The following IFT122 variants were observed in gnomAD, a reference collection of about 807,000 sequenced individuals.
IFT122 encodes the protein intraflagellar transport protein 122 homolog.
In IFT122, 118 loss-of-function variants were observed where a neutral mutation model predicts 161.6. The ratio of observed to expected loss-of-function variants is 0.73; its 90% confidence interval spans 0.63 to 0.85. The LOEUF (loss-of-function observed/expected upper bound fraction) is 0.85. Ranked by LOEUF, IFT122 falls within the 40% of genes least tolerant of loss-of-function variation. The probability of loss-of-function intolerance (pLI) is 0.00; values close to 1 mark genes in which losing one functional copy is unlikely to be tolerated. For missense variants in IFT122, 1,381 were observed against 1,579.6 expected (o/e 0.87, Z 2.13); for synonymous variants, 550 against 602.4 (o/e 0.91, Z 1.27).
At chr3:129,493,996 G>A (rs1053895518) in intron 17 of IFT122, among the ~76,000 whole-genome samples, 2 of 152,204 alleles carry the variant, frequency 1.3e-5, no homozygotes, top group Non-Finnish European at 2.9e-5. Context: ...ACACATCTGG[G>A]TGCTCAGCAT....
chr3:129,460,759 C>G, intron 4 of IFT122: 1 of 952,426 alleles, frequency 1.0e-6, no homozygotes. Context: ...TAAAGTATTA[C>G]CCACAAGTGA....
At chr3:129,517,147 C>T (rs1344850581) in intron 26 of IFT122, among the ~76,000 whole-genome samples, 1 of 144,168 alleles carries the variant, frequency 6.9e-6, no homozygotes, top group Admixed American at 7.0e-5. Flanking sequence ...GAGACTGCCC[C>T]TGCACACACA....
At chr3:129,445,348 A>G (rs1447761633) in intron 1 of IFT122, among the ~76,000 whole-genome samples, 1 of 151,908 alleles carries the variant, frequency 6.6e-6, no homozygotes, top group African/African-American at 2.4e-5. Context: ...AACAAAAACA[A>G]AAAAACAGAT....
intron 3 of IFT122, among the ~76,000 whole-genome samples, chr3:129,457,697 A>T (rs1205015585): frequency 6.6e-6 from 1 of 151,852 alleles, no homozygotes; most frequent in African/African-American, 2.4e-5. Context: ...ACCATAGTTA[A>T]TAATAGCGTA....
chr3:129,474,224 T>G (rs2077666876), intron 9 of IFT122, among the ~76,000 whole-genome samples: 1 of 152,222 alleles, frequency 6.6e-6, no homozygotes, highest in Non-Finnish European at 1.5e-5. Context: ...ATTGGATGCC[T>G]TAAACAGTCA....
chr3:129,496,592 C>G (rs1490521783), intron 18 of IFT122, among the ~76,000 whole-genome samples: 5 of 152,172 alleles, frequency 3.3e-5, no homozygotes, highest in South Asian at 4.1e-4. Context: ...TGTGCTCTTC[C>G]ACCACCTGTT....
At chr3:129,444,911 G>A (rs2073798484) in intron 1 of IFT122, among the ~76,000 whole-genome samples, 1 of 152,202 alleles carries the variant, frequency 6.6e-6, no homozygotes, top group South Asian at 2.1e-4. Flanking sequence ...CATATTAAAA[G>A]CTTTCTGAAT....
intron 1 of IFT122, among the ~76,000 whole-genome samples, chr3:129,448,525 C>T (rs769225562): frequency 2.0e-5 from 3 of 152,066 alleles, no homozygotes; most frequent in Admixed American, 1.3e-4. Context: ...GGGTTATTTA[C>T]GTGGCCAGCG....
chr3:129,479,550 A>G (rs1465660979), intron 12 of IFT122, among the ~76,000 whole-genome samples: 1 of 152,178 alleles, frequency 6.6e-6, no homozygotes, highest in Admixed American at 6.5e-5. Context: ...CCTCTGGCCT[A>G]GGCTGCCTGG....
intron 1 of IFT122, among the ~76,000 whole-genome samples, chr3:129,448,338 T>C (rs574313179): frequency 6.6e-6 from 1 of 152,248 alleles, no homozygotes; most frequent in East Asian, 1.9e-4. Flanking sequence ...TGTGGTGAAA[T>C]GCAGGTTTTA....
intron 22 of IFT122, among the ~76,000 whole-genome samples, chr3:129,507,018 GTTC>G (rs2082258835): frequency 1.3e-5 from 2 of 152,202 alleles, no homozygotes; most frequent in Non-Finnish European, 1.5e-5. Flanking sequence ...ACAAGGAGAT[GTTC>G]TTCTCCACTG....
chr3:129,465,788 G>A (rs1247902000), intron 7 of IFT122, among the ~76,000 whole-genome samples: 2 of 129,884 alleles, frequency 1.5e-5, no homozygotes, highest in African/African-American at 3.6e-5. Flanking sequence ...GACTACAGGC[G>A]CCCGCCACCG....
chr3:129,484,344 A>G (rs2079029414), intron 15 of IFT122, among the ~76,000 whole-genome samples: 1 of 152,214 alleles, frequency 6.6e-6, no homozygotes, highest in Non-Finnish European at 1.5e-5. Context: ...AGACGTGCAT[A>G]GCGAGAAACT....
chr3:129,496,653 C>A (rs999670603), intron 18 of IFT122, among the ~76,000 whole-genome samples: 1 of 152,106 alleles, frequency 6.6e-6, no homozygotes, highest in East Asian at 1.9e-4. Flanking sequence ...TGCCCAGGAC[C>A]TATTGTTCAT....
chr3:129,506,124 A>G (rs2082168026), intron 21 of IFT122, among the ~76,000 whole-genome samples: 1 of 152,208 alleles, frequency 6.6e-6, no homozygotes, highest in South Asian at 2.1e-4. Context: ...TTTCACTCTT[A>G]GACTTTGCCC....
intron 1 of IFT122, among the ~76,000 whole-genome samples, chr3:129,440,860 T>G (rs1249094760): frequency 6.6e-6 from 1 of 152,256 alleles, no homozygotes; most frequent in African/African-American, 2.4e-5. Context: ...CAGCGTCGCT[T>G]GCTCTAAGTG....
At chr3:129,501,889 C>G (rs1288755463) in intron 19 of IFT122, among the ~76,000 whole-genome samples, 1 of 152,196 alleles carries the variant, frequency 6.6e-6, no homozygotes, top group African/African-American at 2.4e-5. Context: ...TTGCCTGTCT[C>G]CAGACAGGGA....
intron 1 of IFT122, 123 bp downstream of exon 1, chr3:129,440,494 G>A (rs978003495): frequency 5.4e-5 from 64 of 1,191,634 alleles, no homozygotes; most frequent in Non-Finnish European, 6.9e-5. Context: ...ACTGAACCCC[G>A]GCCTGGGAGA....
intron 9 of IFT122, among the ~76,000 whole-genome samples, chr3:129,474,929 G>A (rs1358717377): frequency 6.6e-6 from 1 of 152,142 alleles, no homozygotes; most frequent in Non-Finnish European, 1.5e-5. Context: ...CAGAGACAGG[G>A]AGATCACTTG....
Sources: gnomAD v4.1 joint callset for allele counts (sites outside exome capture counted in the v4.1 genomes callset) on GRCh38, gnomAD v4.1.1 for gene constraint, MANE v1.5 for transcripts, NCBI Gene and HGNC (gene_info 2026-07-23, HGNC 2026-07-21) for gene names.